The following NCAPH variants were observed in gnomAD, a reference collection of about 807,000 sequenced individuals.
NCAPH encodes the protein condensin complex subunit 2.
A neutral mutation model predicts 85.5 loss-of-function variants in NCAPH; 38 were observed. The observed-to-expected ratio is 0.44, with a 90% CI of 0.34 to 0.58. The LOEUF is 0.58. Ranked by LOEUF, NCAPH falls within the 20% of genes least tolerant of loss-of-function variation. The pLI is 0.01. For synonymous variants in NCAPH, 301 were observed against 335.1 expected, an observed-to-expected ratio of 0.90 and a Z score of 1.11; for missense variants, 789 against 916.6, an observed-to-expected ratio of 0.86 and a Z score of 1.80.
intron 4 of NCAPH, 34 bp downstream of exon 4, chr2:96,342,882 A>G: frequency 1.9e-6 from 3 of 1,546,478 alleles, no homozygotes; most frequent in Non-Finnish European, 2.7e-6. Context: ...TTGCATCTGA[A>G]TTAAATGATG....
At chr2:96,364,683 T>C in intron 13 of NCAPH, 92 bp downstream of exon 13, 2 of 902,540 alleles carry the variant, frequency 2.2e-6, no homozygotes, top group Admixed American at 2.2e-5. Context: ...GGTGGGAGAC[T>C]GTTGGCAATT....
intron 9 of NCAPH, among the ~76,000 whole-genome samples, chr2:96,356,274 C>T (rs1355577495): frequency 6.6e-6 from 1 of 152,162 alleles, no homozygotes; most frequent in African/African-American, 2.4e-5. Flanking sequence ...CTGGCCTTTC[C>T]TGGGAATTCA....
intron 9 of NCAPH, 124 bp downstream of exon 9, chr2:96,354,512 G>T (rs888929770): frequency 1.4e-5 from 12 of 845,630 alleles, no homozygotes; most frequent in Non-Finnish European, 2.0e-5. Flanking sequence ...AAATAGAGAC[G>T]GGCATCTCAC....
In NCAPH at chr2:96,342,590, C is replaced by T. The variant is rs190622291; in HGVS notation, c.364-166C>T. Among the ~76,000 whole-genome samples the T allele has an allele frequency of 1.1e-4, 17 of 152,326 alleles. No homozygotes were observed. In the East Asian group the frequency reaches 3.3e-3, roughly 29 times the overall value. On this transcript the variant is annotated intron_variant, in intron 3 of 17. Coordinates refer to ENST00000240423, the MANE Select transcript of NCAPH (RefSeq NM_015341.5). ...CATTCCCTAGCCTTGAACATGAGGACATGCCTGTGAGGATTTGGCTCTTGA... is the reference window on the plus strand; with the variant it reads ...CATTCCCTAGCCTTGAACATGAGGATATGCCTGTGAGGATTTGGCTCTTGA...
At chr2:96,365,209 G>A (rs1488878668) in intron 13 of NCAPH, among the ~76,000 whole-genome samples, 2 of 152,070 alleles carry the variant, frequency 1.3e-5, no homozygotes, top group African/African-American at 4.8e-5. Context: ...CTGTGTCCCT[G>A]TATGTGGAAA....
At chr2:96,341,421 TATTTGTCCCAG>T (rs2064292603) in intron 1 of NCAPH, 1 of 557,904 alleles carries the variant, frequency 1.8e-6, no homozygotes, top group Non-Finnish European at 3.1e-6. Flanking sequence ...GCAGAGTGGA[TATTTGTCCCAG>T]ATTAACAAAG....
intron 9 of NCAPH, among the ~76,000 whole-genome samples, chr2:96,356,199 G>A (rs909618937): frequency 5.9e-5 from 9 of 152,152 alleles, no homozygotes; most frequent in African/African-American, 1.7e-4. Flanking sequence ...TACATTAGGC[G>A]TGGGAGGCTG....
intron 6 of NCAPH, among the ~76,000 whole-genome samples, 194 bp from the exon 7 acceptor site, chr2:96,351,637 C>T (rs991241908): frequency 6.9e-6 from 1 of 145,812 alleles, no homozygotes; most frequent in Non-Finnish European, 1.5e-5. Context: ...CACTGCACTC[C>T]AGCCTGGGCG....
At chr2:96,372,007 A>C (rs2064780946) in intron 17 of NCAPH, among the ~76,000 whole-genome samples, 1 of 152,200 alleles carries the variant, frequency 6.6e-6, no homozygotes, top group Non-Finnish European at 1.5e-5. Flanking sequence ...CAACTACCAG[A>C]ACCTGAGCTG....
chr2:96,365,618 A>T (rs2064686207), intron 13 of NCAPH, among the ~76,000 whole-genome samples: 1 of 152,164 alleles, frequency 6.6e-6, no homozygotes, highest in Non-Finnish European at 1.5e-5. Context: ...TGAAGGGGGG[A>T]CATAGTGGCA....
chr2:96,340,907 G>T (rs1317082162), intron 1 of NCAPH, among the ~76,000 whole-genome samples: 2 of 150,020 alleles, frequency 1.3e-5, no homozygotes, highest in Admixed American at 6.7e-5. Flanking sequence ...TTGACCCCTT[G>T]TATTTCTTAT....
chr2:96,372,931 C>T (rs560204229), intron 17 of NCAPH, among the ~76,000 whole-genome samples: 2 of 152,208 alleles, frequency 1.3e-5, no homozygotes, highest in East Asian at 1.9e-4. Context: ...GAACACCCCT[C>T]GAGGATAAGG....
Position 96,364,600 on chromosome 2 carries a change from G to C in NCAPH, c.1698+9G>C, listed in dbSNP as rs774525253. 1.3e-6 allele frequency: 2 copies of C among 1,571,058 alleles called. No homozygotes were observed. The highest frequency in any genetic ancestry group is 1.8e-6 in the Non-Finnish European group (2 of 1,141,242). On this transcript the variant is annotated intron_variant, in intron 13 of 17. Transcript: ENST00000240423. Reference sequence around the variant, plus strand: ...TTTGCCCTGGATTACAGGTAAAGGGGGGAAAGGGGCTCTGTCCTCTCTTCT... The same window carrying C: ...TTTGCCCTGGATTACAGGTAAAGGGCGGAAAGGGGCTCTGTCCTCTCTTCT...
rs1019640692 is a variant in NCAPH at position 96,376,704 on chromosome 2, C to G, written c.*3353C>G. ...TCCTGGAGCAAGGAAAGGAACCGTT[C>G]ATGGTGGCTGAAGCCAAGCTGCTCA... is the stretch of plus-strand genomic sequence containing the variant. On this transcript the variant is annotated 3_prime_UTR_variant, in exon 18 of 18. Transcript: ENST00000240423. Among the ~76,000 whole-genome samples the G allele has an allele frequency of 1.3e-5, 2 of 152,164 alleles. No individual in the cohort carries two copies. The highest frequency in any genetic ancestry group is 4.8e-5 in the African/African-American group (2 of 41,424).
Position 96,344,676 on chromosome 2 carries a change from G to T in NCAPH, c.720+447G>T, listed in dbSNP as rs188273518. On this transcript the variant is annotated intron_variant, in intron 6 of 17. Transcript: ENST00000240423. ...AACGACACATCTAGTAAGTGAGCTA[G>T]AAGTTGAAGCTAAGTGGTCTAACTC... 3.5e-4 allele frequency among the ~76,000 whole-genome samples: 53 copies of T among 152,278 alleles called. 1 individual carries two copies. Among genetic ancestry groups the T allele is most frequent in the African/African-American group, 1.1e-3 (45 of 41,558 alleles).
chr2:96,351,647 G>A (rs550187344), intron 6 of NCAPH, among the ~76,000 whole-genome samples, 184 bp from the exon 7 acceptor site: 16 of 149,968 alleles, frequency 1.1e-4, no homozygotes, highest in African/African-American at 2.2e-4. Flanking sequence ...CAGCCTGGGC[G>A]GCAGAGCAAG....
chr2:96,362,178 C>T (rs1222114016), intron 12 of NCAPH, among the ~76,000 whole-genome samples: 1 of 151,806 alleles, frequency 6.6e-6, no homozygotes, highest in Non-Finnish European at 1.5e-5. Flanking sequence ...TATGATCATG[C>T]CAGTGCACTC....
At chr2:96,349,029 C>T (rs2064401017) in intron 6 of NCAPH, among the ~76,000 whole-genome samples, 1 of 152,172 alleles carries the variant, frequency 6.6e-6, no homozygotes. Flanking sequence ...TTTGGAAATT[C>T]TGTTTTGTAG....
intron 12 of NCAPH, among the ~76,000 whole-genome samples, chr2:96,361,040 C>CTTTTTTTTTTT (rs760283642): frequency 2.3e-5 from 2 of 86,750 alleles, no homozygotes; most frequent in African/African-American, 4.3e-5. Flanking sequence ...TTGCTTTCTC[C>CTTTTTTTTTTT]TTTTTTTTTT....
Sources: gnomAD v4.1 joint callset for allele counts (sites outside exome capture counted in the v4.1 genomes callset) on GRCh38, gnomAD v4.1.1 for gene constraint, MANE v1.5 for transcripts, NCBI Gene and HGNC (gene_info 2026-07-23, HGNC 2026-07-21) for gene names.